Variants in KCNK2 observed in about 807,000 individuals in gnomAD.
KCNK2 encodes the protein potassium two pore domain channel subfamily K member 2.
Under a neutral mutation model 40.5 loss-of-function variants are expected in KCNK2, and 21 were observed. The observed-to-expected ratio is 0.52, with a 90% CI of 0.37 to 0.75. KCNK2 has a LOEUF of 0.75. Among genes scored for constraint, KCNK2 ranks in the 30% least tolerant of loss-of-function variants. The pLI is 0.00. For synonymous variants in KCNK2, 191 were observed against 202.2 expected (o/e 0.94, Z 0.47); for missense variants, 399 against 531.6 (o/e 0.75, Z 2.45).
chr1:215,198,548 C>T (rs1400673436), intron 6 of KCNK2, among the ~76,000 whole-genome samples: 2 of 152,106 alleles, frequency 1.3e-5, no homozygotes, highest in African/African-American at 4.8e-5. Context: ...AAATAACTCA[C>T]TAAAGGGTAT....
chr1:215,076,890 A>G (rs72735329), intron 1 of KCNK2, among the ~76,000 whole-genome samples: 1 of 152,010 alleles, frequency 6.6e-6, no homozygotes, highest in Non-Finnish European at 1.5e-5. Flanking sequence ...TCTCAACACT[A>G]ACTGGCTTAA....
At chr1:215,176,208 C>T (rs1419945503) in intron 5 of KCNK2, among the ~76,000 whole-genome samples, 2 of 152,032 alleles carry the variant, frequency 1.3e-5, no homozygotes, top group African/African-American at 4.8e-5. Context: ...GAGATGATAT[C>T]TCATTGTGGT....
intron 2 of KCNK2, among the ~76,000 whole-genome samples, chr1:215,106,164 A>G (rs1374363964): frequency 6.6e-6 from 1 of 152,040 alleles, no homozygotes; most frequent in Non-Finnish European, 1.5e-5. Flanking sequence ...GAAATCTTCA[A>G]ACTGCTTTCC....
chr1:215,204,241 A>T (rs1665213455), intron 6 of KCNK2, among the ~76,000 whole-genome samples: 1 of 151,646 alleles, frequency 6.6e-6, no homozygotes, highest in Non-Finnish European at 1.5e-5. Context: ...TTAAAAAAAT[A>T]AAAATGTGCA....
At chr1:215,100,153 A>G (rs1020353655) in intron 2 of KCNK2, among the ~76,000 whole-genome samples, 2 of 151,800 alleles carry the variant, frequency 1.3e-5, no homozygotes, top group African/African-American at 4.8e-5. Context: ...TATCTTCTAG[A>G]TGTGGAGGGG....
intron 2 of KCNK2, among the ~76,000 whole-genome samples, chr1:215,117,378 AG>A (rs1371561281): frequency 2.0e-5 from 3 of 152,122 alleles, no homozygotes; most frequent in Admixed American, 6.6e-5. Context: ...TAGGCAATAA[AG>A]GGTTTTCCTT....
intron 5 of KCNK2, among the ~76,000 whole-genome samples, chr1:215,182,151 A>C (rs1349586441): frequency 6.6e-6 from 1 of 152,090 alleles, no homozygotes; most frequent in Non-Finnish European, 1.5e-5. Flanking sequence ...GGGTGGGATG[A>C]CTCAGGCTGC....
intron 2 of KCNK2, among the ~76,000 whole-genome samples, chr1:215,115,882 G>A (rs547027553): frequency 2.4e-4 from 36 of 151,770 alleles, no homozygotes; most frequent in Non-Finnish European, 4.3e-4. Flanking sequence ...GCACACCAGG[G>A]AAATGCCGCT....
chr1:215,164,040 G>C (rs1158398251), intron 3 of KCNK2, among the ~76,000 whole-genome samples: 1 of 152,092 alleles, frequency 6.6e-6, no homozygotes, highest in Non-Finnish European at 1.5e-5. Context: ...CTGTGAATCT[G>C]TCTGGTCCTG....
intron 1 of KCNK2, among the ~76,000 whole-genome samples, chr1:215,052,200 G>C (rs1658014770): frequency 6.6e-6 from 1 of 152,152 alleles, no homozygotes; most frequent in South Asian, 2.1e-4. Context: ...TGAAACCGGT[G>C]AAACTAGAGA....
chr1:215,177,740 A>ATATATATATATTTT (rs71167812), intron 5 of KCNK2, among the ~76,000 whole-genome samples: 31 of 101,570 alleles, frequency 3.1e-4, no homozygotes, highest in Admixed American at 1.1e-3. Flanking sequence ...ATATATATAT[A>ATATATATATATTTT]TTTTTTTTTT....
At chr1:215,230,507 G>GTATATATATATATATATATATATA (rs201898524) in intron 6 of KCNK2, among the ~76,000 whole-genome samples, 2 of 65,566 alleles carry the variant, frequency 3.1e-5, no homozygotes, top group South Asian at 6.6e-4. Context: ...ACACACGGCT[G>GTATATATATATATATATATATATA]TATATATATA....
chr1:215,086,279 A>T (rs1408556786), intron 1 of KCNK2, 89 bp from the exon 2 acceptor site: 2 of 1,095,578 alleles, frequency 1.8e-6, no homozygotes, highest in East Asian at 4.7e-5. Context: ...GCGGAATTCA[A>T]TCAACCTTCT....
chr1:215,117,142 G>A (rs1406248170), intron 2 of KCNK2, among the ~76,000 whole-genome samples: 1 of 151,866 alleles, frequency 6.6e-6, no homozygotes, highest in South Asian at 2.1e-4. Context: ...AATAAAACAA[G>A]TACCATGTCC....
At chr1:215,047,955 C>T (rs78517721) in intron 1 of KCNK2, among the ~76,000 whole-genome samples, 2,713 of 152,100 alleles carry the variant, frequency 0.018, 77 homozygotes, top group African/African-American at 0.062. Context: ...AGAATTCCCC[C>T]ACAATATTAT....
chr1:215,025,087 G>A (rs1381649058), intron 1 of KCNK2, among the ~76,000 whole-genome samples: 1 of 151,910 alleles, frequency 6.6e-6, no homozygotes, highest in Non-Finnish European at 1.5e-5. Flanking sequence ...CAAGGTTTTA[G>A]GGTCACAGTG....
chr1:215,204,983 C>T (rs1194096590), intron 6 of KCNK2, among the ~76,000 whole-genome samples: 1 of 152,172 alleles, frequency 6.6e-6, no homozygotes, highest in African/African-American at 2.4e-5. Flanking sequence ...AAACGACTCA[C>T]ATGCATGTGT....
chr1:215,082,453 A>G (rs1256160222), upstream of KCNK2, among the ~76,000 whole-genome samples: 1 of 152,014 alleles, frequency 6.6e-6, no homozygotes, highest in African/African-American at 2.4e-5. Flanking sequence ...GCTGGTCGGG[A>G]AGGAGATAGG....
chr1:215,112,838 C>G (rs1660753651), intron 2 of KCNK2, among the ~76,000 whole-genome samples: 2 of 152,138 alleles, frequency 1.3e-5, no homozygotes, highest in African/African-American at 4.8e-5. Context: ...GTGCAGTAGG[C>G]TATCGCATCT....
Sources: allele counts gnomAD v4.1 joint callset (sites outside exome capture counted in the v4.1 genomes callset), GRCh38; gene constraint gnomAD v4.1.1; transcripts MANE v1.5; gene names NCBI Gene and HGNC (gene_info 2026-07-23, HGNC 2026-07-21).